The following GRIN2B variants were observed in gnomAD, a reference collection of about 807,000 sequenced individuals.
The protein encoded by GRIN2B is glutamate receptor ionotropic, NMDA 2B.
Under a neutral mutation model 114.5 loss-of-function variants are expected in GRIN2B, and 5 were observed. The ratio of observed to expected loss-of-function variants is 0.04; its 90% confidence interval spans 0.02 to 0.09. The LOEUF is 0.09. Among genes scored for constraint, GRIN2B ranks in the 10% least tolerant of loss-of-function variants. The pLI is 1.00. For synonymous variants in GRIN2B, 787 were observed against 745.1 expected, an observed-to-expected ratio of 1.06 and a Z score of -0.92; for missense variants, 1,108 against 1,943.5, an observed-to-expected ratio of 0.57 and a Z score of 8.08.
intron 4 of GRIN2B, among the ~76,000 whole-genome samples, chr12:13,730,449 G>A (rs1055845985): frequency 6.6e-5 from 10 of 151,996 alleles, no homozygotes; most frequent in Non-Finnish European, 1.2e-4. Flanking sequence ...CTTATTTAAC[G>A]AGCACAAATA....
At chr12:13,779,374 G>A (rs183956540) in intron 3 of GRIN2B, among the ~76,000 whole-genome samples, 15 of 152,104 alleles carry the variant, frequency 9.9e-5, no homozygotes, top group Admixed American at 8.5e-4. Flanking sequence ...GATGTTTTTT[G>A]GTTTTGTTTT....
chr12:13,815,287 T>C (rs889827122), intron 3 of GRIN2B, among the ~76,000 whole-genome samples: 22 of 152,120 alleles, frequency 1.4e-4, no homozygotes, highest in African/African-American at 5.1e-4. Context: ...ATTCAATGTA[T>C]TGGTACTGAG....
At chr12:13,804,312 G>A (rs958278778) in intron 3 of GRIN2B, among the ~76,000 whole-genome samples, 6 of 151,416 alleles carry the variant, frequency 4.0e-5, no homozygotes, top group Non-Finnish European at 7.4e-5. Context: ...CACTTCCCAG[G>A]GAGATCAGTG....
At chr12:13,876,181 A>G (rs892200719) in intron 2 of GRIN2B, among the ~76,000 whole-genome samples, 2 of 152,208 alleles carry the variant, frequency 1.3e-5, no homozygotes, top group Non-Finnish European at 2.9e-5. Context: ...GCTAGAATTG[A>G]AACCTGGCTT....
chr12:13,666,126 C>G (rs1949972401), intron 5 of GRIN2B, among the ~76,000 whole-genome samples: 3 of 152,190 alleles, frequency 2.0e-5, no homozygotes, highest in Admixed American at 2.0e-4. Context: ...GAGAATAGGG[C>G]AGTGGAGCAC....
intron 5 of GRIN2B, among the ~76,000 whole-genome samples, chr12:13,631,909 A>G (rs1390489044): frequency 6.6e-6 from 1 of 152,248 alleles, no homozygotes; most frequent in East Asian, 1.9e-4. Context: ...GTCAACTCAG[A>G]TGAGGCAGAA....
intron 3 of GRIN2B, among the ~76,000 whole-genome samples, chr12:13,848,853 C>T (rs1037384847): frequency 6.6e-6 from 1 of 152,160 alleles, no homozygotes; most frequent in African/African-American, 2.4e-5. Flanking sequence ...GTGTCCTTAT[C>T]CCCCTCTCTG....
intron 2 of GRIN2B, among the ~76,000 whole-genome samples, chr12:13,951,830 T>C (rs1292292604): frequency 6.6e-6 from 1 of 152,180 alleles, no homozygotes. Flanking sequence ...GGTTAACCTG[T>C]GTGGCTTCTG....
intron 3 of GRIN2B, among the ~76,000 whole-genome samples, chr12:13,841,170 C>T (rs1865372020): frequency 6.6e-6 from 1 of 152,042 alleles, no homozygotes; most frequent in Non-Finnish European, 1.5e-5. Flanking sequence ...ACTTGATGAG[C>T]CCCAGGAGAT....
At chr12:13,583,794 T>C (rs940614441) in intron 10 of GRIN2B, among the ~76,000 whole-genome samples, 1 of 151,790 alleles carries the variant, frequency 6.6e-6, no homozygotes, top group Non-Finnish European at 1.5e-5. Context: ...TGCACTGACG[T>C]TGGGAGGAAT....
intron 3 of GRIN2B, among the ~76,000 whole-genome samples, chr12:13,790,859 T>C (rs949008978): frequency 1.3e-5 from 2 of 152,044 alleles, no homozygotes; most frequent in Non-Finnish European, 2.9e-5. Context: ...TTGGGCAAGA[T>C]TGAGGTTGAA....
intron 2 of GRIN2B, among the ~76,000 whole-genome samples, chr12:13,975,471 C>T (rs1406816572): frequency 6.6e-6 from 1 of 152,334 alleles, no homozygotes; most frequent in South Asian, 2.1e-4. Flanking sequence ...AGGAAAATCA[C>T]TTAATGTCCC....
Position 13,560,097 on chromosome 12 carries a change from A to G in GRIN2B, c.*2686T>C, listed in dbSNP as rs573877383. On this transcript the variant is annotated 3_prime_UTR_variant, in exon 14 of 14. Transcript: ENST00000609686. ...TTTGCTTAGAGCCAAATTGAACCCT[A>G]TGTAAAACCCTGGCCAAAGTGCATG... The G allele has an allele frequency of 3.2e-4, 48 of 152,264 alleles. No homozygotes were observed. Among genetic ancestry groups the G allele is most frequent in the South Asian group, 3.1e-3 (15 of 4,820 alleles). The allele number at this position is 152,264 out of a possible 1,614,324, so 9.4% of individuals were successfully genotyped here. A position where few individuals can be genotyped will look rare whatever the true frequency, so the allele number is the denominator to read the frequency against.
chr12:13,793,352 C>T (rs1027469021), intron 3 of GRIN2B, among the ~76,000 whole-genome samples: 15 of 151,390 alleles, frequency 9.9e-5, no homozygotes, highest in Non-Finnish European at 1.6e-4. Context: ...ACCTCAGAGG[C>T]GGAGGTTGCA....
chr12:13,647,345 G>A (rs1032933805), intron 5 of GRIN2B, among the ~76,000 whole-genome samples: 4 of 151,984 alleles, frequency 2.6e-5, no homozygotes, highest in Non-Finnish European at 1.5e-5. Flanking sequence ...TTTGTTCAAG[G>A]TCACACAACC....
chr12:13,981,289 A>ATT (rs1863133098), intron 1 of GRIN2B, 53 bp downstream of exon 1: 2 of 152,038 alleles, frequency 1.3e-5, no homozygotes, highest in South Asian at 4.2e-4. Context: ...TCTGCCTGAC[A>ATT]CCCCCAAACC....
chr12:13,706,661 T>C (rs1403187281), intron 4 of GRIN2B, among the ~76,000 whole-genome samples: 1 of 152,076 alleles, frequency 6.6e-6, no homozygotes, highest in African/African-American at 2.4e-5. Flanking sequence ...TTAACCACCT[T>C]GAAAGCCCAA....
At chr12:13,705,932 T>C (rs945177426) in intron 4 of GRIN2B, among the ~76,000 whole-genome samples, 2 of 152,132 alleles carry the variant, frequency 1.3e-5, no homozygotes, top group African/African-American at 2.4e-5. Flanking sequence ...TTGCTATCCA[T>C]GCCCACAGTA....
chr12:13,751,472 C>T (rs767065837), intron 4 of GRIN2B, among the ~76,000 whole-genome samples: 1 of 152,110 alleles, frequency 6.6e-6, no homozygotes, highest in Non-Finnish European at 1.5e-5. Context: ...AAAACAAGAA[C>T]GGCATTCCAG....
Sources: gnomAD v4.1 joint callset for allele counts (sites outside exome capture counted in the v4.1 genomes callset) on GRCh38, gnomAD v4.1.1 for gene constraint, MANE v1.5 for transcripts, NCBI Gene and HGNC (gene_info 2026-07-23, HGNC 2026-07-21) for gene names.